UGT2B10: variants seen among roughly 807,000 people sequenced by gnomAD.
UGT2B10 encodes UDP glucuronosyltransferase family 2 member B10.
In UGT2B10, 51 loss-of-function variants were observed where a neutral mutation model predicts 43.7. The observed-to-expected ratio is 1.17, with a 90% CI of 0.93 to 1.47. UGT2B10 has a LOEUF of 1.47. UGT2B10 is among the 40% of genes most tolerant of loss of function. The pLI is 0.00. For synonymous variants in UGT2B10, 225 were observed against 209.0 expected, an observed-to-expected ratio of 1.08 and a Z score of -0.66; for missense variants, 696 against 617.7, an observed-to-expected ratio of 1.13 and a Z score of -1.34.
intron 3 of UGT2B10, among the ~76,000 whole-genome samples, chr4:68,824,098 T>G (rs1177082094): frequency 6.6e-6 from 1 of 152,326 alleles, no homozygotes; most frequent in East Asian, 1.9e-4. Flanking sequence ...TCATGCAGTT[T>G]AGGTTTGCCA....
chr4:68,825,301 T>TA (rs1417031464), intron 3 of UGT2B10, among the ~76,000 whole-genome samples: 3 of 151,732 alleles, frequency 2.0e-5, no homozygotes, highest in African/African-American at 7.2e-5. Flanking sequence ...ATACTTTTTT[T>TA]ATAATATTTT....
intron 2 of UGT2B10, among the ~76,000 whole-genome samples, chr4:68,821,962 TG>T (rs1737522586): frequency 6.6e-6 from 1 of 152,048 alleles, no homozygotes; most frequent in African/African-American, 2.4e-5. Flanking sequence ...GTGAAGAGTC[TG>T]GGTATATGTT....
At position 68,817,151 on chromosome 4, in the gene UGT2B10, T is replaced by C. The variant is rs560241338; in HGVS notation, c.718+414T>C. Among the ~76,000 whole-genome samples the C allele has an allele frequency of 4.6e-5, 7 of 151,928 alleles. No homozygotes were observed. The South Asian group carries it at 1.4e-3, about 31-fold the overall frequency. On this transcript the variant is annotated intron_variant, in intron 1 of 5. Coordinates refer to ENST00000265403, the MANE Select transcript of UGT2B10 (RefSeq NM_001075.6). ...AACTGCAGAAATTTTTCCTTCTAAA[T>C]CTCAGTTGTCTTATTTAGAAATTAA...
chr4:68,823,014 G>T (rs1260234621), intron 3 of UGT2B10, among the ~76,000 whole-genome samples: 1 of 152,062 alleles, frequency 6.6e-6, no homozygotes, highest in African/African-American at 2.4e-5. Flanking sequence ...ATTTCTGTTT[G>T]TACTTTAAGT....
chr4:68,817,648 T>C (rs1737282257), intron 1 of UGT2B10, among the ~76,000 whole-genome samples: 2 of 151,722 alleles, frequency 1.3e-5, no homozygotes, highest in South Asian at 4.1e-4. Flanking sequence ...GTTTCTATGG[T>C]TACTGTAGAA....
intron 3 of UGT2B10, among the ~76,000 whole-genome samples, 188 bp from the exon 4 acceptor site, chr4:68,826,222 G>A (rs1035347077): frequency 6.6e-6 from 1 of 151,912 alleles, no homozygotes; most frequent in Non-Finnish European, 1.5e-5. Context: ...GGAAAATAAT[G>A]GTTTCTTATA....
At chr4:68,824,298 A>T (rs1369607997) in intron 3 of UGT2B10, among the ~76,000 whole-genome samples, 4 of 152,190 alleles carry the variant, frequency 2.6e-5, no homozygotes, top group Non-Finnish European at 4.4e-5. Flanking sequence ...CAATATCTGA[A>T]GCAGGCAGGT....
chr4:68,817,033 G>T (rs1250014964), intron 1 of UGT2B10, among the ~76,000 whole-genome samples: 1 of 151,774 alleles, frequency 6.6e-6, no homozygotes, highest in Non-Finnish European at 1.5e-5. Context: ...GAATGTTTCA[G>T]ATCTTAAAAA....
At chr4:68,822,952 CTTA>C (rs988332852) in intron 3 of UGT2B10, among the ~76,000 whole-genome samples, 145 of 152,252 alleles carry the variant, frequency 9.5e-4, no homozygotes, top group East Asian at 7.2e-3. Context: ...ACCTCTATTA[CTTA>C]TTGTACTCTG....
chr4:68,822,115 A>T (rs1737530878), intron 2 of UGT2B10, among the ~76,000 whole-genome samples, 156 bp from the exon 3 acceptor site: 1 of 152,168 alleles, frequency 6.6e-6, no homozygotes, highest in African/African-American at 2.4e-5. Flanking sequence ...CTTCTTGCAA[A>T]GAAACAGTGA....
At chr4:68,822,803 T>C (rs1014412936) in intron 3 of UGT2B10, among the ~76,000 whole-genome samples, 10 of 152,292 alleles carry the variant, frequency 6.6e-5, no homozygotes, top group Admixed American at 2.0e-4. Context: ...GACTTTCAGG[T>C]GTTTTCAACT....
intron 5 of UGT2B10, among the ~76,000 whole-genome samples, chr4:68,828,231 T>C (rs1737899724): frequency 6.6e-6 from 1 of 152,058 alleles, no homozygotes; most frequent in African/African-American, 2.4e-5. Context: ...CAGTCTAGGG[T>C]ACTGTGTAAA....
chr4:68,819,411 T>A (rs547313918), intron 2 of UGT2B10, among the ~76,000 whole-genome samples: 4 of 152,090 alleles, frequency 2.6e-5, no homozygotes, highest in South Asian at 2.1e-4. Context: ...GTTGAAATTT[T>A]AAAATTCTTC....
chr4:68,823,931 T>A (rs550493652), intron 3 of UGT2B10, among the ~76,000 whole-genome samples: 6 of 152,164 alleles, frequency 3.9e-5, no homozygotes, highest in African/African-American at 1.2e-4. Context: ...CAGGTAAGAG[T>A]TATCACCAAA....
chr4:68,822,254 T>A lies in UGT2B10; in HGVS notation c.868-17T>A. On this transcript the variant is annotated splice_polypyrimidine_tract_variant and intron_variant, in intron 2 of 5. Transcript: ENST00000265403. ...TGATACTCTTTTATGATGAAACATT[T>A]TTTCTTTTTCCCACAGGAAATGGAG... 1 of 1,608,892 alleles carries A rather than the reference T, an allele frequency of 6.2e-7. No homozygotes were observed. The highest frequency in any genetic ancestry group is 2.2e-5 in the East Asian group (1 of 44,808).
chr4:68,825,391 G>T (rs757370318), intron 3 of UGT2B10, among the ~76,000 whole-genome samples: 4 of 151,526 alleles, frequency 2.6e-5, no homozygotes, highest in East Asian at 2.0e-4. Flanking sequence ...TTTACATAGG[G>T]AAACTTGTGT....
chr4:68,828,503 G>C (rs1737916878), intron 5 of UGT2B10, among the ~76,000 whole-genome samples: 1 of 151,676 alleles, frequency 6.6e-6, no homozygotes, highest in African/African-American at 2.4e-5. Context: ...GGAAATAATT[G>C]AATAGAAACA....
intron 2 of UGT2B10, 31 bp from the exon 3 acceptor site, chr4:68,822,240 T>C (rs782663903): frequency 5.0e-6 from 8 of 1,608,024 alleles, no homozygotes; most frequent in African/African-American, 4.0e-5. Flanking sequence ...GATACTCTTT[T>C]ATGATGAAAC....
rs202031177 is a variant in UGT2B10 at position 68,826,481 on chromosome 4, C to T, written c.1071C>T (p.Pro357=). ...ATACTCGACTGTACAAGTGGATACC[C>T]CAGAATGACCTTCTAGGTAACACTC... ...GLNTRLYKWI[P]QNDLLGHPKT... The change falls in exon 4 of 6, where the codon CCC becomes CCT. Residue 357 remains proline (P), a synonymous_variant. Coordinates refer to ENST00000265403, the MANE Select transcript of UGT2B10 (RefSeq NM_001075.6). 2 of 1,612,114 alleles carry T rather than the reference C, an allele frequency of 1.2e-6. No individual in the cohort carries two copies. The highest frequency in any genetic ancestry group is 1.7e-6 in the Non-Finnish European group (2 of 1,179,020).
Sources: gnomAD v4.1 joint callset for allele counts (sites outside exome capture counted in the v4.1 genomes callset) on GRCh38, gnomAD v4.1.1 for gene constraint, MANE v1.5 for transcripts, NCBI Gene and HGNC (gene_info 2026-07-23, HGNC 2026-07-21) for gene names.